GALNT13: variants seen among roughly 807,000 people sequenced by gnomAD.
The protein encoded by GALNT13 is polypeptide N-acetylgalactosaminyltransferase 13, also known as UDP-GalNAc:polypeptide N-acetylgalactosaminyltransferase 13.
Under a neutral mutation model 64.2 loss-of-function variants are expected in GALNT13, and 28 were observed. The ratio of observed to expected loss-of-function variants is 0.44; its 90% confidence interval spans 0.32 to 0.60. The LOEUF (loss-of-function observed/expected upper bound fraction) is 0.60, where lower values mean the gene tolerates loss of function less well. Ranked by LOEUF, GALNT13 falls within the 20% of genes least tolerant of loss-of-function variation. The pLI is 0.05. For synonymous variants in GALNT13, 214 were observed against 224.6 expected (o/e 0.95, Z 0.42); for missense variants, 577 against 669.8 (o/e 0.86, Z 1.53).
chr2:154,104,011 A>G (rs1275836941), intron 3 of GALNT13, among the ~76,000 whole-genome samples: 1 of 152,062 alleles, frequency 6.6e-6, no homozygotes, highest in Non-Finnish European at 1.5e-5. Context: ...CCCTGATTGG[A>G]GTAGAGTAGT....
chr2:154,316,596 G>T (rs1010512946), intron 9 of GALNT13, among the ~76,000 whole-genome samples: 7 of 152,204 alleles, frequency 4.6e-5, no homozygotes, highest in Admixed American at 4.6e-4. Flanking sequence ...TTTAGCTCAG[G>T]GTTATGGAGA....
At chr2:153,728,929 CTG>C in the GALNT13 span, among the ~76,000 whole-genome samples, 11 of 152,146 alleles carry the variant, frequency 7.2e-5, no homozygotes, top group Non-Finnish European at 7.4e-5. Flanking sequence ...CCTCCCAAGA[CTG>C]AACCAGGAAG....
the GALNT13 span, among the ~76,000 whole-genome samples, chr2:153,534,026 A>T: frequency 6.6e-6 from 1 of 151,822 alleles, no homozygotes; most frequent in Admixed American, 6.6e-5. Context: ...GGCGTGAGCC[A>T]CCGTGCCTGG....
intron 3 of GALNT13, among the ~76,000 whole-genome samples, chr2:154,067,851 G>A (rs866028907): frequency 2.0e-5 from 3 of 151,976 alleles, no homozygotes; most frequent in African/African-American, 7.2e-5. Flanking sequence ...TGCAACCAAA[G>A]CAAAAATGGA....
At chr2:154,212,792 A>C (rs551236129) in intron 4 of GALNT13, among the ~76,000 whole-genome samples, 1 of 152,138 alleles carries the variant, frequency 6.6e-6, no homozygotes, top group Non-Finnish European at 1.5e-5. Flanking sequence ...GTGGAATAAA[A>C]GGAGGTTGCC....
the GALNT13 span, among the ~76,000 whole-genome samples, chr2:153,392,162 A>G: frequency 6.7e-6 from 1 of 150,326 alleles, no homozygotes; most frequent in Non-Finnish European, 1.5e-5. Context: ...ATATTTTACC[A>G]TAAAATAACA....
chr2:153,257,602 T>C, the GALNT13 span, among the ~76,000 whole-genome samples: 1 of 152,204 alleles, frequency 6.6e-6, no homozygotes, highest in East Asian at 1.9e-4. Flanking sequence ...AAAAGTTTGC[T>C]GATCCTTTTT....
the GALNT13 span, among the ~76,000 whole-genome samples, chr2:153,416,384 A>G: frequency 6.6e-6 from 1 of 152,234 alleles, no homozygotes; most frequent in African/African-American, 2.4e-5. Flanking sequence ...GACTTCGTCC[A>G]TCTAAACTAC....
At chr2:153,205,202 A>G in the GALNT13 span, among the ~76,000 whole-genome samples, 23 of 147,900 alleles carry the variant, frequency 1.6e-4, no homozygotes, top group African/African-American at 5.5e-4. Flanking sequence ...TTGTAAACAG[A>G]ATTTAGTGTA....
chr2:153,884,856 TACACACAC>T (rs144324984), intron 1 of GALNT13, among the ~76,000 whole-genome samples: 3,568 of 120,482 alleles, frequency 0.03, 73 homozygotes, highest in Non-Finnish European at 0.036. Flanking sequence ...TATATGTATA[TACACACAC>T]ACACACACAC....
chr2:153,630,495 T>C, the GALNT13 span, among the ~76,000 whole-genome samples: 22 of 70,266 alleles, frequency 3.1e-4, no homozygotes, highest in East Asian at 7.7e-3. Context: ...CTGGGGACTG[T>C]TGTGGGGTGG....
intron 9 of GALNT13, among the ~76,000 whole-genome samples, chr2:154,313,449 C>A (rs201058954): frequency 7.4e-6 from 1 of 134,392 alleles, no homozygotes; most frequent in Admixed American, 7.6e-5. Context: ...CACACACACA[C>A]AATATATATA....
At chr2:154,060,034 A>C (rs1432425701) in intron 3 of GALNT13, among the ~76,000 whole-genome samples, 2 of 152,142 alleles carry the variant, frequency 1.3e-5, no homozygotes, top group Admixed American at 6.5e-5. Context: ...GAAATAATAA[A>C]GGTAGGGCCC....
chr2:154,181,372 G>A (rs55919516), intron 4 of GALNT13, among the ~76,000 whole-genome samples: 70,524 of 151,788 alleles, frequency 0.46, 17,357 homozygotes, highest in Middle Eastern at 0.62. Flanking sequence ...TGCTACCAAT[G>A]AGGCATTTAT....
intron 4 of GALNT13, among the ~76,000 whole-genome samples, chr2:154,150,139 A>G (rs181851294): frequency 7.9e-5 from 12 of 152,176 alleles, no homozygotes; most frequent in African/African-American, 1.9e-4. Flanking sequence ...TAGCATGAAG[A>G]GTTGTTGAAT....
At chr2:154,353,448 G>C (rs1353965249) in intron 9 of GALNT13, among the ~76,000 whole-genome samples, 1 of 152,006 alleles carries the variant, frequency 6.6e-6, no homozygotes, top group Admixed American at 6.6e-5. Flanking sequence ...CTAAAATCTA[G>C]GTATTTAAGA....
At position 154,270,838 on chromosome 2, in the gene GALNT13, G is replaced by A. The variant is rs530969592; in HGVS notation, c.975+11700G>A. 3.4e-4 allele frequency among the ~76,000 whole-genome samples: 52 copies of A among 151,818 alleles called. No individual in the cohort carries two copies. In the South Asian group the frequency reaches 0.01, roughly 30 times the overall value. Reference sequence around the variant, plus strand: ...TTTAAATGGATAGTGGGTTTCTTGGGTGCACTAAGAGAAAATTATCAATTT... The same window carrying A: ...TTTAAATGGATAGTGGGTTTCTTGGATGCACTAAGAGAAAATTATCAATTT... On this transcript the variant is annotated intron_variant, in intron 8 of 12. Transcript: ENST00000392825.
chr2:153,616,442 T>A, the GALNT13 span, among the ~76,000 whole-genome samples: 1 of 151,826 alleles, frequency 6.6e-6, no homozygotes, highest in African/African-American at 2.4e-5. Context: ...CATTTTAGGA[T>A]TTTTTTTCTA....
At chr2:153,933,733 G>A (rs1690699529) in intron 2 of GALNT13, among the ~76,000 whole-genome samples, 1 of 152,114 alleles carries the variant, frequency 6.6e-6, no homozygotes, top group African/African-American at 2.4e-5. Context: ...TTGGTGGCCA[G>A]TAATGGTCTT....
Sources: gnomAD v4.1 joint callset for allele counts (sites outside exome capture counted in the v4.1 genomes callset) on GRCh38, gnomAD v4.1.1 for gene constraint, MANE v1.5 for transcripts, NCBI Gene and HGNC (gene_info 2026-07-23, HGNC 2026-07-21) for gene names.